Variants in NEK1 observed in about 807,000 individuals in gnomAD.
NEK1 encodes the protein NIMA related kinase 1.
In NEK1, 137 loss-of-function variants were observed where a neutral mutation model predicts 182.1. The observed-to-expected ratio is 0.75, with a 90% CI of 0.65 to 0.87. The LOEUF (loss-of-function observed/expected upper bound fraction) is 0.87. Ranked by LOEUF, NEK1 falls within the 40% of genes least tolerant of loss-of-function variation. The pLI is 0.00. For missense variants in NEK1, 1,391 were observed against 1,494.4 expected (o/e 0.93, Z 1.14); for synonymous variants, 513 against 492.2 (o/e 1.04, Z -0.56).
At chr4:169,567,433 C>G (rs771315288) in intron 12 of NEK1, among the ~76,000 whole-genome samples, 2 of 151,418 alleles carry the variant, frequency 1.3e-5, no homozygotes, top group Admixed American at 6.6e-5. Context: ...CACAGTCTCG[C>G]TCTGTCACCT....
chr4:169,590,644 A>G, intron 6 of NEK1, 82 bp downstream of exon 6: 1 of 844,426 alleles, frequency 1.2e-6, no homozygotes, highest in East Asian at 2.7e-5. Context: ...ACACTAAATC[A>G]GGTTCAAAAA....
In NEK1 at chr4:169,589,438, T is replaced by G. The variant is rs1483300815; in HGVS notation, c.464+9A>C. 6.9e-7 allele frequency: 1 copy of G among 1,440,434 alleles called. No individual in the cohort carries two copies. The highest frequency in any genetic ancestry group is 1.3e-5 in the South Asian group (1 of 77,600). The allele number at this position is 1,440,434 out of a possible 1,614,324, so 89.2% of individuals were successfully genotyped here. On this transcript the variant is annotated intron_variant, in intron 7 of 35. Transcript: ENST00000507142. ...ATTATATCAAAACAAAGTTTAAAAT[T>G]CATGTTACCTATTAAGAACTCTAGC...
chr4:169,539,809 G>A (rs1759110843), intron 18 of NEK1, among the ~76,000 whole-genome samples: 1 of 152,078 alleles, frequency 6.6e-6, no homozygotes. Flanking sequence ...TGATCTCTCT[G>A]CTGTGTATCC....
intron 11 of NEK1, among the ~76,000 whole-genome samples, chr4:169,578,891 A>G (rs1766143758): frequency 6.6e-6 from 1 of 152,034 alleles, no homozygotes; most frequent in Non-Finnish European, 1.5e-5. Flanking sequence ...GAAGCATGAG[A>G]AAAAAAAGAT....
chr4:169,416,207 A>G (rs760288082), intron 31 of NEK1, among the ~76,000 whole-genome samples: 2 of 152,172 alleles, frequency 1.3e-5, no homozygotes, highest in African/African-American at 2.4e-5. Context: ...ATGACAGTTA[A>G]TTTTGCTTTA....
At chr4:169,573,847 G>A in intron 12 of NEK1, among the ~76,000 whole-genome samples, 1 of 152,164 alleles carries the variant, frequency 6.6e-6, no homozygotes, top group South Asian at 2.1e-4. Flanking sequence ...TGGGAGACAA[G>A]ATATTTGAAA....
intron 23 of NEK1, among the ~76,000 whole-genome samples, chr4:169,501,131 T>A (rs1752348727): frequency 6.6e-6 from 1 of 151,988 alleles, no homozygotes; most frequent in South Asian, 2.1e-4. Context: ...AGACTTTAAA[T>A]CAACAACAGT....
intron 18 of NEK1, among the ~76,000 whole-genome samples, chr4:169,551,813 T>C (rs1761466603): frequency 6.6e-6 from 1 of 151,992 alleles, no homozygotes; most frequent in Admixed American, 6.6e-5. Context: ...AAAAAGCCTC[T>C]TGTGATTTTT....
intron 19 of NEK1, among the ~76,000 whole-genome samples, chr4:169,524,942 G>C (rs1756669729): frequency 6.6e-6 from 1 of 152,146 alleles, no homozygotes; most frequent in Admixed American, 6.6e-5. Context: ...GAGACCTTAT[G>C]GCCAAGCAAA....
intron 31 of NEK1, among the ~76,000 whole-genome samples, chr4:169,410,987 A>G (rs1420475424): frequency 6.6e-6 from 1 of 152,216 alleles, no homozygotes; most frequent in African/African-American, 2.4e-5. Flanking sequence ...TCTGCCTGCC[A>G]CAGAGTGTGT....
At chr4:169,463,426 T>C in intron 26 of NEK1, 31 bp from the exon 27 acceptor site, 2 of 1,531,914 alleles carry the variant, frequency 1.3e-6, no homozygotes, top group Non-Finnish European at 1.8e-6. Flanking sequence ...GAAACAATTT[T>C]CAATAACAGT....
intron 35 of NEK1, among the ~76,000 whole-genome samples, chr4:169,398,054 A>C (rs899269474): frequency 6.6e-6 from 1 of 152,254 alleles, no homozygotes; most frequent in Non-Finnish European, 1.5e-5. Context: ...ACAGCATGAC[A>C]TATGAGAAAC....
chr4:169,535,723 AC>A (rs1758377306), intron 19 of NEK1, among the ~76,000 whole-genome samples: 2 of 151,574 alleles, frequency 1.3e-5, no homozygotes, highest in Admixed American at 1.3e-4. Context: ...TACTAAAAAT[AC>A]AAAATATTAG....
chr4:169,527,314 G>GA, intron 19 of NEK1, among the ~76,000 whole-genome samples: 6 of 152,208 alleles, frequency 3.9e-5, no homozygotes, highest in Admixed American at 3.9e-4. Context: ...GCTGCTAAAC[G>GA]AATTTCTTTA....
chr4:169,424,715 A>G lies in NEK1; in HGVS notation c.3060T>C (p.His1020=). 1 of 1,613,926 alleles carries G rather than the reference A, an allele frequency of 6.2e-7. No individual in the cohort carries two copies. Among genetic ancestry groups the G allele is most frequent in the Non-Finnish European group, 8.5e-7 (1 of 1,179,830 alleles). ...QPEPFFHKVV[H]SEHLNLVPQV... is the part of the protein sequence containing the mutation. ...GAGGGACTAAGTTCAAGTGTTCAGAATGAACCACCTTATGGAAAAATGGTT... is the reference window on the plus strand; with the variant it reads ...GAGGGACTAAGTTCAAGTGTTCAGAGTGAACCACCTTATGGAAAAATGGTT... The change falls in exon 31 of 36, where the codon CAT becomes CAC. Residue 1020 remains histidine, a synonymous_variant. Coordinates refer to ENST00000507142, the MANE Select transcript of NEK1 (RefSeq NM_001199397.3).
chr4:169,521,346 T>TG (rs1755987132), intron 19 of NEK1, among the ~76,000 whole-genome samples: 1 of 32 alleles, frequency 0.031, no homozygotes, highest in African/African-American at 0.25. Flanking sequence ...GGTGAGGCAA[T>TG]GCTCGCCCTG....
At chr4:169,499,402 C>G (rs191628309) in intron 23 of NEK1, among the ~76,000 whole-genome samples, 5 of 152,152 alleles carry the variant, frequency 3.3e-5, no homozygotes, top group Non-Finnish European at 7.4e-5. Flanking sequence ...TCTCTCAACT[C>G]GTCAAAGTCA....
rs140838582 is a variant in NEK1 at position 169,551,781 on chromosome 4, G to A, written c.1562+3939C>T. Among the ~76,000 whole-genome samples, 1,215 of 151,564 alleles carry A rather than the reference G, an allele frequency of 8.0e-3. 35 individuals are homozygous for A. Among genetic ancestry groups the A allele is most frequent in the Admixed American group, 0.04 (610 of 15,236 alleles). ...TTCTAAAACTAACCTACATCACTTA[G>A]CAAGCAGTAAAACAAGAAAAAAAAA... On this transcript the variant is annotated intron_variant, in intron 18 of 35. Coordinates refer to ENST00000507142, the MANE Select transcript of NEK1 (RefSeq NM_001199397.3).
chr4:169,408,246 C>A (rs1732978197), intron 31 of NEK1, among the ~76,000 whole-genome samples: 1 of 152,090 alleles, frequency 6.6e-6, no homozygotes, highest in African/African-American at 2.4e-5. Context: ...CTTTTGTTAA[C>A]CAAAATAAAT....
Sources: allele counts gnomAD v4.1 joint callset (sites outside exome capture counted in the v4.1 genomes callset), GRCh38; gene constraint gnomAD v4.1.1; transcripts MANE v1.5; gene names NCBI Gene and HGNC (gene_info 2026-07-23, HGNC 2026-07-21).